Variants in ARHGAP44 observed in about 807,000 individuals in gnomAD.
The protein encoded by ARHGAP44 is rho GTPase-activating protein 44.
In ARHGAP44, 43 loss-of-function variants were observed where a neutral mutation model predicts 106.8. That is an observed-to-expected ratio of 0.40 (90% CI 0.32 to 0.52). The LOEUF is 0.52. Among genes scored for constraint, ARHGAP44 ranks in the 20% least tolerant of loss-of-function variants. ARHGAP44 has a pLI of 0.48. For missense variants in ARHGAP44, 866 were observed against 1,050.5 expected (o/e 0.82, Z 2.43); for synonymous variants, 439 against 410.3 (o/e 1.07, Z -0.85).
intron 1 of ARHGAP44, among the ~76,000 whole-genome samples, chr17:12,857,592 A>G (rs1321913958): frequency 1.3e-5 from 2 of 152,256 alleles, no homozygotes; most frequent in Non-Finnish European, 2.9e-5. Context: ...TTTCCAGCAC[A>G]TGAAAGTTGG....
At chr17:12,956,547 G>A in intron 14 of ARHGAP44, 108 bp from the exon 15 acceptor site, 1 of 847,856 alleles carries the variant, frequency 1.2e-6, no homozygotes, top group South Asian at 1.5e-5. Context: ...TGTCTGTGGG[G>A]TTCCAGTCCA....
At chr17:12,930,832 C>T (rs2038377179) in intron 7 of ARHGAP44, among the ~76,000 whole-genome samples, 1 of 152,158 alleles carries the variant, frequency 6.6e-6, no homozygotes, top group African/African-American at 2.4e-5. Context: ...AATATTCTCT[C>T]CCTTCCTGTC....
intron 7 of ARHGAP44, among the ~76,000 whole-genome samples, chr17:12,931,247 T>G (rs1351458640): frequency 6.6e-6 from 1 of 151,860 alleles, no homozygotes; most frequent in African/African-American, 2.4e-5. Context: ...AATTTTTATA[T>G]TTTTAATAGA....
chr17:12,956,969 G>T (rs1271530363), intron 15 of ARHGAP44, among the ~76,000 whole-genome samples: 1 of 151,818 alleles, frequency 6.6e-6, no homozygotes, highest in Admixed American at 6.6e-5. Context: ...TATATTTTTT[G>T]AGATGGAGTT....
At chr17:12,843,442 G>A (rs956027788) in intron 1 of ARHGAP44, among the ~76,000 whole-genome samples, 1 of 151,966 alleles carries the variant, frequency 6.6e-6, no homozygotes, top group East Asian at 1.9e-4. Context: ...TTTAAGCATG[G>A]TTTTAGACAG....
intron 1 of ARHGAP44, among the ~76,000 whole-genome samples, chr17:12,881,891 A>G (rs1328657793): frequency 6.6e-6 from 1 of 151,986 alleles, no homozygotes; most frequent in East Asian, 1.9e-4. Context: ...ACGTCTCACT[A>G]TGTTGTCTAG....
At chr17:12,972,795 G>T (rs1460502894) in intron 16 of ARHGAP44, among the ~76,000 whole-genome samples, 2 of 151,208 alleles carry the variant, frequency 1.3e-5, no homozygotes, top group African/African-American at 4.9e-5. Context: ...CCGAATAGCT[G>T]GGACTACAGG....
At chr17:12,839,863 A>G in intron 1 of ARHGAP44, among the ~76,000 whole-genome samples, 1 of 152,230 alleles carries the variant, frequency 6.6e-6, no homozygotes, top group East Asian at 1.9e-4. Flanking sequence ...TCAAGCACTG[A>G]TACTTACAGG....
chr17:12,910,831 C>G (rs559720890), intron 4 of ARHGAP44, among the ~76,000 whole-genome samples: 2 of 151,842 alleles, frequency 1.3e-5, no homozygotes, highest in Admixed American at 1.3e-4. Flanking sequence ...GTATTTCAAG[C>G]TCCTGTATTG....
At chr17:12,832,128 A>G (rs770956511) in intron 1 of ARHGAP44, among the ~76,000 whole-genome samples, 4 of 152,232 alleles carry the variant, frequency 2.6e-5, no homozygotes, top group Admixed American at 6.5e-5. Flanking sequence ...CTGCAGAGCC[A>G]GCTGAATGGG....
intron 1 of ARHGAP44, among the ~76,000 whole-genome samples, chr17:12,819,873 C>T (rs1290267577): frequency 6.6e-6 from 1 of 152,084 alleles, no homozygotes; most frequent in Admixed American, 6.6e-5. Context: ...CTTGCCTTTT[C>T]GTTTTCTTGA....
chr17:12,985,458 C>A (rs1189041258), intron 20 of ARHGAP44: 3 of 152,340 alleles, frequency 2.0e-5, no homozygotes, highest in African/African-American at 7.2e-5. Flanking sequence ...AGACTCCCCT[C>A]CCTGGCCAAT....
Position 12,873,947 on chromosome 17 carries a change from AAATAAAAGAAAG to A in ARHGAP44, c.54-20990_54-20979del, listed in dbSNP as rs1338871014. ...TAAATAAACAAATAAATAAATAAATAAATAAAAGAAAGAAAGAAGGAAAGAAACCACCACTTA... is the reference window on the plus strand; with the variant it reads ...TAAATAAACAAATAAATAAATAAATAAAAGAAGGAAAGAAACCACCACTTA... On this transcript the variant is annotated intron_variant, in intron 1 of 20. Coordinates refer to ENST00000379672, the MANE Select transcript of ARHGAP44 (RefSeq NM_014859.6). Among the ~76,000 whole-genome samples the A allele has an allele frequency of 1.4e-3, 135 of 98,636 alleles. 1 individual carries two copies. The highest frequency in any genetic ancestry group is 5.0e-3 in the African/African-American group (130 of 26,134). 64.7% of individuals were successfully genotyped at this position (98,636 alleles called of 152,430 possible). A position where few individuals can be genotyped will look rare whatever the true frequency, so the allele number is the denominator to read the frequency against.
Position 12,958,242 on chromosome 17 carries a change from A to G in ARHGAP44, c.1343-475A>G, listed in dbSNP as rs149837183. Among the ~76,000 whole-genome samples, 32 of 152,286 alleles carry G rather than the reference A, an allele frequency of 2.1e-4. No individual in the cohort carries two copies. The highest frequency in any genetic ancestry group is 1.2e-3 in the East Asian group (6 of 5,184). On this transcript the variant is annotated intron_variant, in intron 15 of 20. Transcript: ENST00000379672. This position sits in a 1 kb window ranked among gnomAD's most constrained non-coding sequence, Gnocchi z 4.1. ...TTCTAATATCTTGAATTTATTCTCT[A>G]TGGTTTTCCAGAAAGGCAGTGTCAT...
At chr17:12,955,815 C>A in intron 13 of ARHGAP44, 52 bp from the exon 14 acceptor site, 1 of 1,126,122 alleles carries the variant, frequency 8.9e-7, no homozygotes, top group Non-Finnish European at 1.3e-6. Context: ...CCCCGGGGGA[C>A]ATGGCTGGTG....
At chr17:12,894,009 AAAATAC>A (rs1249307258) in intron 1 of ARHGAP44, among the ~76,000 whole-genome samples, 1 of 152,192 alleles carries the variant, frequency 6.6e-6, no homozygotes, top group African/African-American at 2.4e-5. Flanking sequence ...GAGAATTGCT[AAAATAC>A]ATTCACTCCT....
chr17:12,844,148 A>G (rs764611630), intron 1 of ARHGAP44, among the ~76,000 whole-genome samples: 23 of 149,052 alleles, frequency 1.5e-4, no homozygotes, highest in Non-Finnish European at 2.7e-4. Context: ...GGGGGCCGCT[A>G]TGCCGTAGAG....
At chr17:12,936,907 C>T (rs927832435) in intron 7 of ARHGAP44, among the ~76,000 whole-genome samples, 1 of 152,178 alleles carries the variant, frequency 6.6e-6, no homozygotes, top group Admixed American at 6.5e-5. Context: ...GATCCTTGTT[C>T]AGTCTGTTTT....
intron 4 of ARHGAP44, among the ~76,000 whole-genome samples, chr17:12,911,599 A>G (rs2037740185): frequency 6.6e-6 from 1 of 152,166 alleles, no homozygotes; most frequent in Admixed American, 6.5e-5. Flanking sequence ...TGTGGTTGAA[A>G]GCTTTTCAGT....
Sources: gnomAD v4.1 joint callset for allele counts (sites outside exome capture counted in the v4.1 genomes callset) on GRCh38, gnomAD v4.1.1 for gene constraint, Gnocchi (gnomAD v3.1) non-coding constraint, MANE v1.5 for transcripts, NCBI Gene and HGNC (gene_info 2026-07-23, HGNC 2026-07-21) for gene names.